Variants in MYLK4 observed in about 807,000 individuals in gnomAD.
MYLK4 encodes caMLCK like.
MYLK4 carries 46 observed loss-of-function variants against 48.1 expected under a neutral mutation model. The observed-to-expected ratio is 0.96, with a 90% CI of 0.75 to 1.22. MYLK4 has a LOEUF of 1.22. Among genes scored for constraint, MYLK4 ranks in the 50% most tolerant of loss-of-function variants. The probability of loss-of-function intolerance (pLI) is 0.00; values close to 1 mark genes in which losing one functional copy is unlikely to be tolerated. For synonymous variants in MYLK4, 170 were observed against 180.8 expected, an observed-to-expected ratio of 0.94 and a Z score of 0.48; for missense variants, 451 against 486.1, an observed-to-expected ratio of 0.93 and a Z score of 0.68.
chr6:2,766,066 G>T, the MYLK4 span: 12 of 1,295,256 alleles, frequency 9.3e-6, no homozygotes, highest in African/African-American at 1.2e-4. Context: ...CCGCCGCCGC[G>T]GCGGGGAGCG....
chr6:2,756,103 G>GTA, the MYLK4 span, among the ~76,000 whole-genome samples: 4 of 152,242 alleles, frequency 2.6e-5, no homozygotes, highest in Non-Finnish European at 4.4e-5. Context: ...ACGTTTCTCA[G>GTA]TATCTATTCT....
At chr6:2,688,215 C>T (rs763749004) in intron 4 of MYLK4, among the ~76,000 whole-genome samples, 34 of 152,030 alleles carry the variant, frequency 2.2e-4, no homozygotes, top group African/African-American at 7.2e-4. Flanking sequence ...TGCGCCACCA[C>T]GCCCAGCTAA....
chr6:2,694,494 G>GTGGTGGTGGTGGTGGTGGTGGTGA (rs1761945539), intron 2 of MYLK4, among the ~76,000 whole-genome samples: 1 of 36,080 alleles, frequency 2.8e-5, no homozygotes, highest in East Asian at 5.5e-4. Flanking sequence ...AGTGGTCATG[G>GTGGTGGTGGTGGTGGTGGTGGTGA]TGGTGGTGGT....
At chr6:2,743,879 A>G (rs547591184) in intron 2 of MYLK4, 51 of 398,584 alleles carry the variant, frequency 1.3e-4, no homozygotes, top group Admixed American at 2.6e-4. Flanking sequence ...TGTCTTAGAT[A>G]AAGGTGATTT....
At chr6:2,733,995 T>C (rs995997927) in intron 2 of MYLK4, among the ~76,000 whole-genome samples, 4 of 152,182 alleles carry the variant, frequency 2.6e-5, no homozygotes, top group African/African-American at 9.6e-5. Context: ...AGGTCACTTA[T>C]CTAACGTGAG....
At chr6:2,679,510 C>T (rs1302934689) in intron 8 of MYLK4, 102 bp from the exon 9 acceptor site, 3 of 1,390,254 alleles carry the variant, frequency 2.2e-6, no homozygotes, top group Admixed American at 3.4e-5. Flanking sequence ...AGCCATACAG[C>T]AAACTTCAGA....
chr6:2,679,493 T>A (rs546918372), intron 8 of MYLK4, 85 bp from the exon 9 acceptor site: 1 of 1,522,270 alleles, frequency 6.6e-7, no homozygotes, highest in East Asian at 2.3e-5. Flanking sequence ...TGAGACAAAA[T>A]GACTTCAGCC....
chr6:2,676,500 T>C (rs1224472354), intron 10 of MYLK4, among the ~76,000 whole-genome samples: 1 of 152,242 alleles, frequency 6.6e-6, no homozygotes, highest in Non-Finnish European at 1.5e-5. Flanking sequence ...AATCTGGCTA[T>C]TAAAAAGTTA....
intron 6 of MYLK4, among the ~76,000 whole-genome samples, chr6:2,684,257 G>A (rs563304383): frequency 2.8e-4 from 43 of 152,258 alleles, no homozygotes; most frequent in African/African-American, 9.4e-4. Flanking sequence ...TGGTGGAGAC[G>A]CTGGACAAAG....
At chr6:2,738,650 A>T (rs1361568338) in intron 2 of MYLK4, among the ~76,000 whole-genome samples, 1 of 152,240 alleles carries the variant, frequency 6.6e-6, no homozygotes, top group Non-Finnish European at 1.5e-5. Flanking sequence ...GGACGTTTTC[A>T]TCTATCTAGG....
At chr6:2,682,959 C>G in intron 7 of MYLK4, 62 bp downstream of exon 7, 1 of 1,592,026 alleles carries the variant, frequency 6.3e-7, no homozygotes, top group Non-Finnish European at 8.6e-7. Flanking sequence ...TAATAGCAGA[C>G]AGGGCCCACT....
chr6:2,701,937 T>A (rs1368178638), intron 2 of MYLK4, among the ~76,000 whole-genome samples: 1 of 152,262 alleles, frequency 6.6e-6, no homozygotes, highest in South Asian at 2.1e-4. Context: ...CTCGTGTGTC[T>A]ATTTACATCT....
intron 2 of MYLK4, among the ~76,000 whole-genome samples, chr6:2,714,719 G>A (rs1336199613): frequency 6.6e-6 from 1 of 152,228 alleles, no homozygotes; most frequent in African/African-American, 2.4e-5. Flanking sequence ...AGTGTCCGCT[G>A]ACAGCTGAAT....
upstream of MYLK4, among the ~76,000 whole-genome samples, chr6:2,752,202 G>T (rs982558100): frequency 6.6e-6 from 1 of 152,172 alleles, no homozygotes; most frequent in African/African-American, 2.4e-5. Flanking sequence ...TTATTTTTTT[G>T]TAATAAACTT....
intron 2 of MYLK4, among the ~76,000 whole-genome samples, chr6:2,706,347 T>C (rs1762488156): frequency 6.8e-6 from 1 of 146,020 alleles, no homozygotes; most frequent in African/African-American, 2.5e-5. Flanking sequence ...CACTCTAAAG[T>C]GACTTTTTTT....
At chr6:2,740,594 T>C (rs1462890384) in intron 2 of MYLK4, among the ~76,000 whole-genome samples, 1 of 152,132 alleles carries the variant, frequency 6.6e-6, no homozygotes, top group Non-Finnish European at 1.5e-5. Flanking sequence ...CTTCCCTGTT[T>C]CATACTCCTC....
intron 2 of MYLK4, among the ~76,000 whole-genome samples, chr6:2,712,754 A>G (rs1400391917): frequency 2.0e-5 from 3 of 152,124 alleles, no homozygotes; most frequent in African/African-American, 7.2e-5. Flanking sequence ...ATGGAGAAAA[A>G]ACTGGACACA....
chr6:2,682,190 T>A (rs1304599472), intron 7 of MYLK4, among the ~76,000 whole-genome samples: 1 of 152,176 alleles, frequency 6.6e-6, no homozygotes, highest in African/African-American at 2.4e-5. Context: ...TTATATAGAT[T>A]GTATATTTTA....
intron 2 of MYLK4, among the ~76,000 whole-genome samples, chr6:2,696,437 G>A (rs768059749): frequency 5.9e-5 from 9 of 152,190 alleles, no homozygotes; most frequent in Non-Finnish European, 1.2e-4. Flanking sequence ...GTCATGATTG[G>A]AGAGTCCTCA....
Sources: allele counts gnomAD v4.1 joint callset (sites outside exome capture counted in the v4.1 genomes callset), GRCh38; gene constraint gnomAD v4.1.1; transcripts MANE v1.5; gene names NCBI Gene and HGNC (gene_info 2026-07-23, HGNC 2026-07-21).